The following TMEM132C variants were observed in gnomAD, a reference collection of about 807,000 sequenced individuals.
The protein encoded by TMEM132C is protein phosphatase 1, regulatory subunit 152.
A neutral mutation model predicts 61.4 loss-of-function variants in TMEM132C; 29 were observed. That is an observed-to-expected ratio of 0.47 (90% confidence interval 0.35 to 0.64). TMEM132C has a LOEUF of 0.64. Ranked by LOEUF, TMEM132C falls within the 30% of genes least tolerant of loss-of-function variation. TMEM132C has a pLI of 0.00. For missense variants in TMEM132C, 1,408 were observed against 1,476.9 expected (o/e 0.95, Z 0.76); for synonymous variants, 656 against 633.1 (o/e 1.04, Z -0.54).
intron 1 of TMEM132C, among the ~76,000 whole-genome samples, chr12:128,412,197 G>T (rs1044012836): frequency 1.3e-5 from 2 of 151,916 alleles, no homozygotes; most frequent in Non-Finnish European, 2.9e-5. Context: ...ACCAATTCAG[G>T]GTTTTTACTC....
At chr12:128,680,015 G>A (rs1954621481) in intron 5 of TMEM132C, among the ~76,000 whole-genome samples, 1 of 152,150 alleles carries the variant, frequency 6.6e-6, no homozygotes, top group African/African-American at 2.4e-5. Flanking sequence ...GTATGAACAG[G>A]CTTTGCAAGT....
intron 3 of TMEM132C, among the ~76,000 whole-genome samples, chr12:128,611,293 C>A (rs1208810907): frequency 6.6e-6 from 1 of 152,156 alleles, no homozygotes; most frequent in Non-Finnish European, 1.5e-5. Flanking sequence ...TGCTAACTTT[C>A]TTCCTCTCTC....
chr12:128,435,693 A>C (rs939922469), intron 2 of TMEM132C, among the ~76,000 whole-genome samples: 2 of 152,216 alleles, frequency 1.3e-5, no homozygotes, highest in African/African-American at 4.8e-5. Flanking sequence ...GATAGGAAGA[A>C]TCAATATCAT....
intron 8 of TMEM132C, among the ~76,000 whole-genome samples, chr12:128,698,871 A>G (rs1317824158): frequency 1.3e-5 from 2 of 152,174 alleles, no homozygotes; most frequent in Non-Finnish European, 2.9e-5. Flanking sequence ...GACAGGGCCC[A>G]GGGGTTAGTA....
intron 1 of TMEM132C, among the ~76,000 whole-genome samples, chr12:128,286,890 A>G (rs1871092474): frequency 6.6e-6 from 1 of 152,186 alleles, no homozygotes; most frequent in African/African-American, 2.4e-5. Flanking sequence ...ATCCTGGAAA[A>G]CTTGAGAGAG....
chr12:128,380,686 G>T (rs1399206692), intron 1 of TMEM132C, among the ~76,000 whole-genome samples: 1 of 152,170 alleles, frequency 6.6e-6, no homozygotes, highest in African/African-American at 2.4e-5. Context: ...GAGGCAAGAG[G>T]ATGGCTTTGA....
At chr12:128,577,550 G>A (rs1008888051) in intron 3 of TMEM132C, among the ~76,000 whole-genome samples, 1 of 152,216 alleles carries the variant, frequency 6.6e-6, no homozygotes, top group African/African-American at 2.4e-5. Flanking sequence ...GTGGCTGAGC[G>A]TTCTGTCCCC....
rs529181302 is a variant in TMEM132C, at chr12:128,682,844, C to G, written c.1450-10985C>G. 5.0e-4 allele frequency among the ~76,000 whole-genome samples: 76 copies of G among 152,310 alleles called. 1 individual carries two copies. The South Asian group carries it at 8.3e-3, about 17-fold the overall frequency. On this transcript the variant is annotated intron_variant, in intron 5 of 8. Coordinates refer to ENST00000435159, the MANE Select transcript of TMEM132C (RefSeq NM_001136103.3). Reference sequence around the variant, plus strand: ...GGTGTGGACAGGGCCACCCCTCCTCCGAGGCCTCCAGGGAACAATCCCAGG... The same window carrying G: ...GGTGTGGACAGGGCCACCCCTCCTCGGAGGCCTCCAGGGAACAATCCCAGG...
chr12:128,483,190 T>G, intron 2 of TMEM132C, among the ~76,000 whole-genome samples: 1 of 148,632 alleles, frequency 6.7e-6, no homozygotes, highest in Non-Finnish European at 1.5e-5. Context: ...ATTGCTTGAG[T>G]CCAGGAGTTT....
chr12:128,674,730 G>A (rs1278539297), intron 5 of TMEM132C, among the ~76,000 whole-genome samples: 4 of 152,234 alleles, frequency 2.6e-5, no homozygotes, highest in African/African-American at 7.2e-5. Context: ...GGTTACATGA[G>A]TAAGTTCTTT....
chr12:128,562,639 C>T (rs1048447365), intron 3 of TMEM132C, among the ~76,000 whole-genome samples: 2 of 152,188 alleles, frequency 1.3e-5, no homozygotes, highest in Admixed American at 6.5e-5. Flanking sequence ...TAATACTTCA[C>T]CGGCTGCCTG....
chr12:128,435,310 C>T (rs970693175), intron 2 of TMEM132C, among the ~76,000 whole-genome samples: 16 of 152,192 alleles, frequency 1.1e-4, no homozygotes, highest in African/African-American at 3.9e-4. Flanking sequence ...TCCGGTGACC[C>T]AACATTAAGA....
Position 128,695,825 on chromosome 12 carries a change from A to G in TMEM132C, c.1656-5A>G, listed in dbSNP as rs767588832. On this transcript the variant is annotated splice_polypyrimidine_tract_variant and splice_region_variant and intron_variant, in intron 6 of 8. Transcript: ENST00000435159. ...ATCTGAGAGCTCTTTGTCCCTTCCC[A>G]CAAGGCCCACTCGTGAGAGCGAGGA... The G allele has an allele frequency of 2.1e-5, 33 of 1,537,938 alleles. No individual in the cohort carries two copies. The highest frequency in any genetic ancestry group is 2.8e-5 in the Non-Finnish European group (32 of 1,138,916).
At chr12:128,277,703 A>C (rs1870741252) in intron 1 of TMEM132C, among the ~76,000 whole-genome samples, 2 of 152,230 alleles carry the variant, frequency 1.3e-5, no homozygotes, top group Non-Finnish European at 2.9e-5. Flanking sequence ...CCAAATGAGC[A>C]AAATGAAGGG....
chr12:128,706,810 C>T lies in TMEM132C; in HGVS notation c.*515C>T, dbSNP rs1004985618. The T allele has an allele frequency of 1.3e-5, 2 of 152,578 alleles. No homozygotes were observed. The highest frequency in any genetic ancestry group is 4.8e-5 in the African/African-American group (2 of 41,446). The allele number at this position is 152,578 out of a possible 1,614,324, so 9.5% of individuals were successfully genotyped here. On this transcript the variant is annotated 3_prime_UTR_variant, in exon 9 of 9. Transcript: ENST00000435159. ...AGTCATTTCTTAACAAGGGATGCCT[C>T]TTGGGATAGAACTAGGGAGTTTTAA... is the stretch of plus-strand genomic sequence containing the variant.
intron 5 of TMEM132C, among the ~76,000 whole-genome samples, chr12:128,686,094 G>A (rs1358191835): frequency 1.3e-5 from 2 of 148,592 alleles, no homozygotes; most frequent in Non-Finnish European, 2.9e-5. Context: ...TGTGTTGTGT[G>A]CGCATGTGTG....
rs150059637 is a variant in TMEM132C at position 128,588,246 on chromosome 12, C to T, written c.1122-27906C>T. Among the ~76,000 whole-genome samples, 642 of 152,218 alleles carry T rather than the reference C, an allele frequency of 4.2e-3. 2 individuals are homozygous for T. The highest frequency in any genetic ancestry group is 6.6e-3 in the Non-Finnish European group (448 of 67,988). ...CTCAGGGGTTCGAGATAAGCCTGGG[C>T]AATATGGTGAAACCCCATCTCTACA... is the stretch of plus-strand genomic sequence containing the variant. On this transcript the variant is annotated intron_variant, in intron 3 of 8. Coordinates refer to ENST00000435159, the MANE Select transcript of TMEM132C (RefSeq NM_001136103.3).
intron 3 of TMEM132C, among the ~76,000 whole-genome samples, chr12:128,594,353 C>T (rs999078953): frequency 1.3e-5 from 2 of 151,742 alleles, no homozygotes; most frequent in Non-Finnish European, 2.9e-5. Context: ...ACTCTCCCCC[C>T]ATCCCCTGCC....
At chr12:128,623,611 A>G (rs2135589218) in intron 4 of TMEM132C, among the ~76,000 whole-genome samples, 1 of 152,056 alleles carries the variant, frequency 6.6e-6, no homozygotes, top group Middle Eastern at 3.4e-3. Context: ...GTTCGAAACC[A>G]GCCTGGGCAA....
Sources: allele counts gnomAD v4.1 joint callset (sites outside exome capture counted in the v4.1 genomes callset), GRCh38; gene constraint gnomAD v4.1.1; transcripts MANE v1.5; gene names NCBI Gene and HGNC (gene_info 2026-07-23, HGNC 2026-07-21).